The following FOCAD variants were observed in gnomAD, a reference collection of about 807,000 sequenced individuals.
FOCAD encodes the protein focadhesin, also known as KIAA1797.
FOCAD carries 198 observed loss-of-function variants against 225.6 expected under a neutral mutation model. The ratio of observed to expected loss-of-function variants is 0.88; its 90% confidence interval spans 0.78 to 0.99. The LOEUF (loss-of-function observed/expected upper bound fraction) is 0.99, where lower values mean the gene tolerates loss of function less well. FOCAD is among the 50% of genes least tolerant of loss of function. FOCAD has a pLI of 0.00. For missense variants in FOCAD, 2,713 were observed against 2,123.6 expected (o/e 1.28, Z -5.46); for synonymous variants, 897 against 755.0 (o/e 1.19, Z -3.08).
chr9:20,787,914 A>G (rs750122290), intron 10 of FOCAD, among the ~76,000 whole-genome samples: 13 of 152,118 alleles, frequency 8.5e-5, no homozygotes, highest in Non-Finnish European at 1.5e-4. Context: ...GAGCTTCCTC[A>G]TTTGTTTTTA....
At chr9:20,889,042 C>T (rs1176113928) in intron 21 of FOCAD, among the ~76,000 whole-genome samples, 1 of 152,102 alleles carries the variant, frequency 6.6e-6, no homozygotes, top group Non-Finnish European at 1.5e-5. Flanking sequence ...TCAGTGTATC[C>T]ACAGAGTTGT....
intron 15 of FOCAD, among the ~76,000 whole-genome samples, chr9:20,838,916 G>A (rs1463501689): frequency 6.6e-6 from 1 of 152,012 alleles, no homozygotes; most frequent in African/African-American, 2.4e-5. Flanking sequence ...GATAAATTAA[G>A]CTTTACTAAT....
chr9:20,852,734 A>C (rs1827793550), intron 15 of FOCAD, among the ~76,000 whole-genome samples: 1 of 151,832 alleles, frequency 6.6e-6, no homozygotes, highest in South Asian at 2.1e-4. Context: ...ATGAAATGAC[A>C]GTAAACTGTA....
intron 28 of FOCAD, among the ~76,000 whole-genome samples, chr9:20,940,769 G>GT (rs1332475172): frequency 1.3e-5 from 2 of 152,188 alleles, no homozygotes; most frequent in Non-Finnish European, 2.9e-5. Context: ...TAGGAGGCTT[G>GT]TTTCAGGGTC....
chr9:20,735,398 A>G (rs1827066491), intron 4 of FOCAD, among the ~76,000 whole-genome samples: 1 of 152,144 alleles, frequency 6.6e-6, no homozygotes, highest in South Asian at 2.1e-4. Context: ...AAATAATTGT[A>G]TGTTCTGATA....
intron 38 of FOCAD, among the ~76,000 whole-genome samples, chr9:20,982,148 T>C (rs1332997826): frequency 2.0e-5 from 3 of 152,094 alleles, no homozygotes; most frequent in Non-Finnish European, 4.4e-5. Context: ...GAAAAATGTA[T>C]AGCCAAAACA....
intron 22 of FOCAD, among the ~76,000 whole-genome samples, chr9:20,910,708 C>T (rs1421529570): frequency 6.6e-6 from 1 of 151,996 alleles, no homozygotes; most frequent in African/African-American, 2.4e-5. Context: ...AATCAGAAAG[C>T]AGAGATGACT....
intron 11 of FOCAD, among the ~76,000 whole-genome samples, chr9:20,804,075 T>A (rs1822143385): frequency 6.6e-6 from 1 of 152,098 alleles, no homozygotes; most frequent in African/African-American, 2.4e-5. Flanking sequence ...TAGTAGAGAT[T>A]GCCAGAAGGT....
intron 35 of FOCAD, among the ~76,000 whole-genome samples, chr9:20,966,065 C>G (rs1839227597): frequency 1.3e-5 from 2 of 152,024 alleles, no homozygotes; most frequent in South Asian, 4.2e-4. Context: ...AGTGGAATTG[C>G]TGGGTTGTAT....
chr9:20,925,635 A>G (rs747497257), intron 25 of FOCAD, among the ~76,000 whole-genome samples: 5 of 152,222 alleles, frequency 3.3e-5, no homozygotes, highest in Non-Finnish European at 7.3e-5. Context: ...AATTCCAGTT[A>G]CCATGTGAGT....
chr9:20,915,380 G>T (rs559592683), intron 23 of FOCAD, among the ~76,000 whole-genome samples: 1 of 152,142 alleles, frequency 6.6e-6, no homozygotes, highest in African/African-American at 2.4e-5. Flanking sequence ...TATCAGTGAC[G>T]TAGAAAGAGA....
At chr9:20,899,417 G>A (rs914303148) in intron 21 of FOCAD, among the ~76,000 whole-genome samples, 9 of 151,922 alleles carry the variant, frequency 5.9e-5, no homozygotes, top group African/African-American at 1.9e-4. Context: ...CTGTCTGTGA[G>A]TTTCTGCTTT....
intron 35 of FOCAD, among the ~76,000 whole-genome samples, chr9:20,967,541 C>G (rs534201723): frequency 2.0e-5 from 3 of 152,036 alleles, no homozygotes; most frequent in African/African-American, 7.3e-5. Context: ...ACATCCAGTA[C>G]AAAGTGGTGA....
intron 8 of FOCAD, among the ~76,000 whole-genome samples, chr9:20,773,580 T>C (rs1470960759): frequency 6.6e-6 from 1 of 152,210 alleles, no homozygotes; most frequent in African/African-American, 2.4e-5. Context: ...AGCCCAGTCC[T>C]ATTCATAACC....
intron 2 of FOCAD, among the ~76,000 whole-genome samples, chr9:20,668,298 A>T (rs938282390): frequency 6.6e-6 from 1 of 152,212 alleles, no homozygotes; most frequent in African/African-American, 2.4e-5. Context: ...TAACAACTAG[A>T]TACAAAAAGA....
rs191889255 is a variant in FOCAD at position 20,737,010 on chromosome 9, G to T, written c.288-3226G>T. Among the ~76,000 whole-genome samples, 506 of 152,146 alleles carry T rather than the reference G, an allele frequency of 3.3e-3. 4 individuals carry two copies. The highest frequency in any genetic ancestry group is 0.012 in the African/African-American group (492 of 41,522). ...AGTTTCAATTAAATTTAAGGCAAAT[G>T]TATAACCATTTGAATGGCGCTATGT... On this transcript the variant is annotated intron_variant, in intron 4 of 43. Transcript: ENST00000338382.
At chr9:20,742,386 T>C (rs979049664) in intron 5 of FOCAD, among the ~76,000 whole-genome samples, 1 of 152,178 alleles carries the variant, frequency 6.6e-6, no homozygotes, top group African/African-American at 2.4e-5. Context: ...AGATTCTTTT[T>C]CCTTAGTCTA....
At chr9:20,760,475 A>G (rs1027523445) in intron 6 of FOCAD, among the ~76,000 whole-genome samples, 1 of 152,246 alleles carries the variant, frequency 6.6e-6, no homozygotes, top group Non-Finnish European at 1.5e-5. Flanking sequence ...TTAGCAGTAC[A>G]ATGACTTGCC....
At chr9:20,728,229 G>C (rs1826374032) in intron 4 of FOCAD, among the ~76,000 whole-genome samples, 1 of 152,094 alleles carries the variant, frequency 6.6e-6, no homozygotes, top group African/African-American at 2.4e-5. Flanking sequence ...TGAAATGCTT[G>C]GGACCAGAAG....
Sources: allele counts gnomAD v4.1 joint callset (sites outside exome capture counted in the v4.1 genomes callset), GRCh38; gene constraint gnomAD v4.1.1; transcripts MANE v1.5; gene names NCBI Gene and HGNC (gene_info 2026-07-23, HGNC 2026-07-21).